Variants in TAFA2 observed in about 807,000 individuals in gnomAD.
TAFA2 encodes the protein chemokine-like protein TAFA-2.
TAFA2 carries 7 observed loss-of-function variants against 18.8 expected under a neutral mutation model. The observed-to-expected ratio is 0.37, with a 90% CI of 0.21 to 0.70. TAFA2 has a LOEUF of 0.70. Ranked by LOEUF, TAFA2 falls within the 30% of genes least tolerant of loss-of-function variation. TAFA2 has a pLI of 0.53. For missense variants in TAFA2, 122 were observed against 158.1 expected (o/e 0.77, Z 1.23); for synonymous variants, 60 against 54.2 (o/e 1.11, Z -0.47).
chr12:61,885,851 G>A (rs1180195985), intron 1 of TAFA2, among the ~76,000 whole-genome samples: 1 of 152,120 alleles, frequency 6.6e-6, no homozygotes, highest in Non-Finnish European at 1.5e-5. Context: ...TCTGATTAAA[G>A]AGAATACTAT....
At position 61,833,670 on chromosome 12, in the gene TAFA2, G is replaced by A. The variant is rs1428684197; in HGVS notation, c.106+33650C>T. On this transcript the variant is annotated intron_variant, in intron 2 of 4. Transcript: ENST00000416284. ...ATTCTTGGAACATGATCGTTTTTCT[G>A]TCATTTTCTTAATTTTTCTTCCTCT... is the stretch of plus-strand genomic sequence containing the variant. Among the ~76,000 whole-genome samples the A allele has an allele frequency of 2.6e-5, 4 of 151,578 alleles. No homozygotes were observed. The East Asian group carries it at 7.8e-4, about 30-fold the overall frequency.
At chr12:62,065,656 T>C (rs1882465462) in intron 1 of TAFA2, among the ~76,000 whole-genome samples, 2 of 151,960 alleles carry the variant, frequency 1.3e-5, no homozygotes, top group African/African-American at 4.8e-5. Flanking sequence ...TTTAAAATCA[T>C]ATGGTTTCAC....
At chr12:61,776,093 T>A in intron 2 of TAFA2, 1 of 444,298 alleles carries the variant, frequency 2.3e-6, no homozygotes, top group Non-Finnish European at 4.4e-6. Context: ...AATGCTACCA[T>A]GGCAAAACTG....
chr12:61,772,717 A>G (rs1870087812), intron 2 of TAFA2, among the ~76,000 whole-genome samples: 1 of 152,020 alleles, frequency 6.6e-6, no homozygotes, highest in African/African-American at 2.4e-5. Context: ...TATTAAGGTA[A>G]TAAAAGCCAT....
chr12:61,990,695 T>C (rs954875905), intron 1 of TAFA2, among the ~76,000 whole-genome samples: 1 of 152,140 alleles, frequency 6.6e-6, no homozygotes, highest in African/African-American at 2.4e-5. Context: ...CACAGGGTTG[T>C]CGTAAGAATT....
intron 1 of TAFA2, among the ~76,000 whole-genome samples, chr12:62,039,512 G>A (rs1881701495): frequency 6.6e-6 from 1 of 152,194 alleles, no homozygotes; most frequent in Admixed American, 6.5e-5. Context: ...CTTGATGGTT[G>A]AGAGCAGGGC....
intron 1 of TAFA2, among the ~76,000 whole-genome samples, chr12:62,234,212 C>T (rs560901762): frequency 1.3e-5 from 2 of 152,326 alleles, no homozygotes; most frequent in South Asian, 4.1e-4. Context: ...TCTTCCCTGA[C>T]ACATTCTTTA....
chr12:61,824,124 A>T (rs1872437344), intron 2 of TAFA2, among the ~76,000 whole-genome samples: 1 of 152,180 alleles, frequency 6.6e-6, no homozygotes, highest in Admixed American at 6.6e-5. Flanking sequence ...ACACTACAGG[A>T]ACTGATAGTA....
At chr12:61,881,807 A>C (rs868325372) in intron 1 of TAFA2, among the ~76,000 whole-genome samples, 1 of 152,080 alleles carries the variant, frequency 6.6e-6, no homozygotes, top group African/African-American at 2.4e-5. Flanking sequence ...AACATTCTGC[A>C]TGTCAAATAC....
At chr12:62,202,821 CTTTTTTTTTTTT>C (rs71083986) in intron 1 of TAFA2, among the ~76,000 whole-genome samples, 1 of 61,624 alleles carries the variant, frequency 1.6e-5, no homozygotes, top group Non-Finnish European at 3.0e-5. Context: ...CTGTGTGGTT[CTTTTTTTTTTTT>C]TTTTTTTTTT....
chr12:61,734,272 C>T (rs193195285), intron 4 of TAFA2, among the ~76,000 whole-genome samples: 2 of 149,574 alleles, frequency 1.3e-5, no homozygotes, highest in African/African-American at 4.9e-5. Context: ...GGACAAAAAA[C>T]CAAATACCGC....
rs34080993 is a variant in TAFA2 at position 61,960,775 on chromosome 12, CA to C, written c.-1-93350del. On this transcript the variant is annotated intron_variant, in intron 1 of 4. Transcript: ENST00000416284. ...GTTTAGCCACTTTGTCCTATTTCACCAAAAAAAAAAAAAATCTTCTTTTCTC... is the reference window on the plus strand; with the variant it reads ...GTTTAGCCACTTTGTCCTATTTCACCAAAAAAAAAAAAATCTTCTTTTCTC... Among the ~76,000 whole-genome samples the C allele has an allele frequency of 2.3e-3, 337 of 145,610 alleles. 1 individual carries two copies. The highest frequency in any genetic ancestry group is 5.8e-3 in the African/African-American group (230 of 39,756).
Position 62,011,016 on chromosome 12 carries a change from C to A in TAFA2, c.-1-143590G>T, listed in dbSNP as rs2701153. ...CACCCCGTCTGGGAAGTGGGGGGCGCCTCTGCCCGGCCACCCCATCTGGGA... is the reference window on the plus strand; with the variant it reads ...CACCCCGTCTGGGAAGTGGGGGGCGACTCTGCCCGGCCACCCCATCTGGGA... On this transcript the variant is annotated intron_variant, in intron 1 of 4. Coordinates refer to ENST00000416284, the MANE Select transcript of TAFA2 (RefSeq NM_178539.5). Among the ~76,000 whole-genome samples, 2 of 82,038 alleles carry A rather than the reference C, an allele frequency of 2.4e-5. 1 individual carries two copies. The highest frequency in any genetic ancestry group is 5.2e-5 in the Non-Finnish European group (2 of 38,808). 53.8% of individuals were successfully genotyped at this position (82,038 alleles called of 152,430 possible).
At chr12:62,133,037 A>ATT in intron 1 of TAFA2, among the ~76,000 whole-genome samples, 1 of 152,108 alleles carries the variant, frequency 6.6e-6, no homozygotes, top group Non-Finnish European at 1.5e-5. Flanking sequence ...TTTGTGGTAC[A>ATT]GGCCCATCCT....
chr12:62,008,766 T>C lies in TAFA2; in HGVS notation c.-1-141340A>G, dbSNP rs565902273. ...TCAGGATTACACACAAGAAAGATGATTGCAGTTATTTGGTGTTTTGACAAA... is the reference window on the plus strand; with the variant it reads ...TCAGGATTACACACAAGAAAGATGACTGCAGTTATTTGGTGTTTTGACAAA... On this transcript the variant is annotated intron_variant, in intron 1 of 4. Coordinates refer to ENST00000416284, the MANE Select transcript of TAFA2 (RefSeq NM_178539.5). 2.5e-3 allele frequency among the ~76,000 whole-genome samples: 377 copies of C among 152,334 alleles called. 1 individual carries two copies. The highest frequency in any genetic ancestry group is 8.1e-3 in the African/African-American group (338 of 41,572).
intron 2 of TAFA2, among the ~76,000 whole-genome samples, chr12:61,816,727 G>A (rs1872102198): frequency 6.6e-6 from 1 of 151,152 alleles, no homozygotes; most frequent in Non-Finnish European, 1.5e-5. Flanking sequence ...TAGAGTTTAG[G>A]GTAAAGAAGC....
chr12:61,789,086 G>T (rs538585573), intron 2 of TAFA2, among the ~76,000 whole-genome samples: 18 of 151,950 alleles, frequency 1.2e-4, no homozygotes, highest in Non-Finnish European at 2.2e-4. Context: ...CTCCCATTCT[G>T]TAGGCTGCCT....
intron 1 of TAFA2, among the ~76,000 whole-genome samples, chr12:62,254,293 G>A (rs1377853280): frequency 6.6e-6 from 1 of 152,072 alleles, no homozygotes; most frequent in African/African-American, 2.4e-5. Flanking sequence ...ACCTTTAAAT[G>A]AATCCTATAA....
At chr12:62,129,281 A>G (rs1292656737) in intron 1 of TAFA2, among the ~76,000 whole-genome samples, 1 of 152,056 alleles carries the variant, frequency 6.6e-6, no homozygotes, top group African/African-American at 2.4e-5. Context: ...CATACCACCT[A>G]TTATTTTTAA....
Sources: gnomAD v4.1 joint callset for allele counts (sites outside exome capture counted in the v4.1 genomes callset) on GRCh38, gnomAD v4.1.1 for gene constraint, MANE v1.5 for transcripts, NCBI Gene and HGNC (gene_info 2026-07-23, HGNC 2026-07-21) for gene names.